Variants in MALRD1 observed in about 807,000 individuals in gnomAD.
MALRD1 encodes MAM and LDL receptor class A domain containing 1.
A neutral mutation model predicts 242.1 loss-of-function variants in MALRD1; 247 were observed. The ratio of observed to expected loss-of-function variants is 1.02; its 90% CI spans 0.92 to 1.13. The LOEUF is 1.13. Ranked by LOEUF, MALRD1 falls within the 50% of genes most tolerant of loss-of-function variation. The pLI, the probability that MALRD1 is intolerant of heterozygous loss-of-function variation, is 0.00. For missense variants in MALRD1, 2,989 were observed against 2,533.1 expected (o/e 1.18, Z -3.86); for synonymous variants, 995 against 866.6 (o/e 1.15, Z -2.60).
intron 18 of MALRD1, among the ~76,000 whole-genome samples, chr10:19,213,731 G>A (rs1441817046): frequency 6.6e-6 from 1 of 152,136 alleles, no homozygotes. Context: ...ATTGTGTCTG[G>A]ATGTCAGATA....
At chr10:19,525,818 A>G in intron 31 of MALRD1, among the ~76,000 whole-genome samples, 1 of 152,206 alleles carries the variant, frequency 6.6e-6, no homozygotes, top group East Asian at 1.9e-4. Flanking sequence ...TTAAAGTGTA[A>G]TCGATTTTAC....
chr10:19,693,828 T>A (rs1833225599), intron 38 of MALRD1, among the ~76,000 whole-genome samples: 1 of 152,024 alleles, frequency 6.6e-6, no homozygotes, highest in South Asian at 2.1e-4. Flanking sequence ...TCAAACTATA[T>A]TACAAGGCTA....
At chr10:19,437,131 A>G (rs1402374684) in intron 28 of MALRD1, among the ~76,000 whole-genome samples, 1 of 152,186 alleles carries the variant, frequency 6.6e-6, no homozygotes, top group African/African-American at 2.4e-5. Context: ...AGAAAATGAC[A>G]AACACTCCAA....
chr10:19,649,816 A>G (rs954277217), intron 36 of MALRD1, among the ~76,000 whole-genome samples: 15 of 152,074 alleles, frequency 9.9e-5, no homozygotes, highest in Non-Finnish European at 1.8e-4. Context: ...TATGTCCAGG[A>G]TGGTATTGCC....
intron 21 of MALRD1, among the ~76,000 whole-genome samples, chr10:19,308,994 A>G (rs994836019): frequency 6.6e-6 from 1 of 151,598 alleles, no homozygotes. Flanking sequence ...ATATTTTGTA[A>G]TCTGGGTTTT....
chr10:19,197,041 G>C (rs1472513820), intron 14 of MALRD1, among the ~76,000 whole-genome samples: 6 of 152,138 alleles, frequency 3.9e-5, no homozygotes, highest in Non-Finnish European at 1.5e-5. Context: ...GAGGCCTCAG[G>C]AAACTCACAA....
intron 14 of MALRD1, among the ~76,000 whole-genome samples, chr10:19,197,318 T>C (rs112383770): frequency 7.2e-4 from 109 of 151,334 alleles, no homozygotes; most frequent in Non-Finnish European, 1.3e-3. Flanking sequence ...GAATTCTCAT[T>C]TCTTGTCTGG....
chr10:19,342,158 C>T (rs890807323), intron 24 of MALRD1, among the ~76,000 whole-genome samples: 3 of 152,088 alleles, frequency 2.0e-5, no homozygotes, highest in East Asian at 1.9e-4. Flanking sequence ...TTTATCATTT[C>T]GTAATTAGTG....
At position 19,531,334 on chromosome 10, in the gene MALRD1, A is replaced by C; in HGVS notation, c.5461A>C (p.Ser1821Arg). ...RFWFYMIDPRSMGILKVYTIE... is the reference protein window; with the variant it reads ...RFWFYMIDPRRMGILKVYTIE... ...CTGGTTCTACATGATTGATCCCAGG[A>C]GTATGGGAATATTAAAGGTACAAAA... Residue 1821 changes from serine to arginine, a missense_variant, in exon 32 of 40, where the codon AGT becomes CGT. Ser to Arg is a moderately radical substitution (Grantham distance 110, BLOSUM62 -1). Coordinates refer to ENST00000454679, the MANE Select transcript of MALRD1 (RefSeq NM_001142308.3). 1 of 1,544,144 alleles carries C rather than the reference A, an allele frequency of 6.5e-7. No homozygotes were observed. Among genetic ancestry groups the C allele is most frequent in the Non-Finnish European group, 8.8e-7 (1 of 1,142,632 alleles).
At chr10:19,279,407 TC>T (rs1840698028) in intron 19 of MALRD1, among the ~76,000 whole-genome samples, 1 of 152,216 alleles carries the variant, frequency 6.6e-6, no homozygotes, top group Admixed American at 6.5e-5. Flanking sequence ...TTTAACTTTT[TC>T]TCCACAGCTT....
chr10:19,305,478 G>C (rs1001043110), intron 21 of MALRD1, among the ~76,000 whole-genome samples: 1 of 151,256 alleles, frequency 6.6e-6, no homozygotes, highest in African/African-American at 2.4e-5. Flanking sequence ...TATTCTTAGA[G>C]CATAAATCAA....
At chr10:19,200,582 CA>C (rs1836475242) in intron 14 of MALRD1, among the ~76,000 whole-genome samples, 1 of 145,990 alleles carries the variant, frequency 6.8e-6, no homozygotes, top group African/African-American at 2.5e-5. Flanking sequence ...AGTTCTAAGA[CA>C]GTGAATCTGA....
At chr10:19,431,919 C>T (rs987126256) in intron 28 of MALRD1, among the ~76,000 whole-genome samples, 7 of 152,158 alleles carry the variant, frequency 4.6e-5, no homozygotes, top group Non-Finnish European at 1.0e-4. Flanking sequence ...CTTATTACTC[C>T]TCCTGTCAGG....
chr10:19,155,612 C>T (rs1227882455), intron 12 of MALRD1, among the ~76,000 whole-genome samples: 1 of 152,144 alleles, frequency 6.6e-6, no homozygotes, highest in Non-Finnish European at 1.5e-5. Flanking sequence ...GTGAAATACC[C>T]ATTTTATTTC....
intron 11 of MALRD1, among the ~76,000 whole-genome samples, chr10:19,148,786 A>ATATATATATAT (rs1220802758): frequency 1.2e-4 from 8 of 68,192 alleles, no homozygotes; most frequent in South Asian, 5.8e-4. Context: ...AAAAAAAAAA[A>ATATATATATAT]AAATATATAT....
chr10:19,294,094 C>T (rs1841577843), intron 21 of MALRD1, among the ~76,000 whole-genome samples: 1 of 152,106 alleles, frequency 6.6e-6, no homozygotes. Flanking sequence ...CCAAAGATCA[C>T]AGCATTTTTG....
intron 29 of MALRD1, among the ~76,000 whole-genome samples, chr10:19,471,709 C>T (rs11010086): frequency 8.0e-6 from 1 of 125,312 alleles, no homozygotes; most frequent in Admixed American, 7.7e-5. Flanking sequence ...TGCCTAATTT[C>T]TTTTTCATAT....
chr10:19,270,149 T>C (rs535153763), intron 19 of MALRD1, among the ~76,000 whole-genome samples: 1 of 152,246 alleles, frequency 6.6e-6, no homozygotes, highest in African/African-American at 2.4e-5. Context: ...ACCCGGTCTC[T>C]ACTGAAAATA....
chr10:19,562,778 G>A (rs1358828981), intron 32 of MALRD1, among the ~76,000 whole-genome samples: 1 of 152,110 alleles, frequency 6.6e-6, no homozygotes, highest in African/African-American at 2.4e-5. Context: ...TGGCAGTGGC[G>A]TTAGATTCCC....
Sources: allele counts gnomAD v4.1 joint callset (sites outside exome capture counted in the v4.1 genomes callset), GRCh38; gene constraint gnomAD v4.1.1; transcripts MANE v1.5; gene names NCBI Gene and HGNC (gene_info 2026-07-23, HGNC 2026-07-21).